CDH13: variants seen among roughly 807,000 people sequenced by gnomAD.
The protein encoded by CDH13 is cadherin 13.
Under a neutral mutation model 63.8 loss-of-function variants are expected in CDH13, and 24 were observed. The ratio of observed to expected loss-of-function variants is 0.38; its 90% CI spans 0.27 to 0.53. The LOEUF is 0.53. CDH13 is among the 20% of genes least tolerant of loss of function. The pLI is 0.85. For missense variants in CDH13, 1,049 were observed against 903.1 expected (o/e 1.16, Z -2.07); for synonymous variants, 503 against 355.3 (o/e 1.42, Z -4.67).
chr16:83,428,999 C>T (rs530249581), intron 6 of CDH13, among the ~76,000 whole-genome samples: 2 of 152,222 alleles, frequency 1.3e-5, no homozygotes, highest in East Asian at 1.9e-4. Flanking sequence ...TTCTCTCATC[C>T]GTTTCCTAGG....
chr16:83,787,567 C>T (rs1392444568), intron 13 of CDH13, among the ~76,000 whole-genome samples: 1 of 152,178 alleles, frequency 6.6e-6, no homozygotes, highest in Non-Finnish European at 1.5e-5. Context: ...CTACGTTTTC[C>T]ACCAGCTTCT....
At chr16:83,485,795 A>ACTC (rs1237760415) in intron 6 of CDH13, among the ~76,000 whole-genome samples, 2 of 151,802 alleles carry the variant, frequency 1.3e-5, no homozygotes, top group Non-Finnish European at 2.9e-5. Flanking sequence ...GCCTCTTTGT[A>ACTC]CTCCTGTTTC....
chr16:82,703,651 C>A (rs772142524), intron 1 of CDH13, among the ~76,000 whole-genome samples: 1 of 152,086 alleles, frequency 6.6e-6, no homozygotes, highest in Non-Finnish European at 1.5e-5. Flanking sequence ...TCCAATAATA[C>A]GCTACTTAAG....
intron 3 of CDH13, among the ~76,000 whole-genome samples, chr16:83,048,321 T>G (rs569735164): frequency 2.0e-5 from 3 of 152,338 alleles, no homozygotes; most frequent in African/African-American, 7.2e-5. Flanking sequence ...GGTATAAATA[T>G]GAAGCCCAAT....
chr16:83,131,604 G>A (rs2036055944), intron 4 of CDH13, among the ~76,000 whole-genome samples: 1 of 151,938 alleles, frequency 6.6e-6, no homozygotes. Flanking sequence ...TTGAGAGCAG[G>A]GGACTTTAAA....
intron 1 of CDH13, among the ~76,000 whole-genome samples, chr16:82,662,649 G>A (rs1912093687): frequency 6.6e-6 from 1 of 152,210 alleles, no homozygotes; most frequent in Non-Finnish European, 1.5e-5. Flanking sequence ...GACAACAAAT[G>A]CGCTTTATAA....
intron 3 of CDH13, among the ~76,000 whole-genome samples, chr16:83,067,207 C>T (rs59593731): frequency 0.079 from 11,976 of 152,214 alleles, 603 homozygotes; most frequent in Admixed American, 0.13. Flanking sequence ...AATCTTTCAG[C>T]AGCAGAAGGC....
intron 1 of CDH13, among the ~76,000 whole-genome samples, chr16:82,739,386 A>T (rs186393839): frequency 6.6e-5 from 10 of 152,276 alleles, no homozygotes; most frequent in African/African-American, 2.2e-4. Flanking sequence ...TCAAATTTAG[A>T]AGCTTTCTTA....
intron 8 of CDH13, among the ~76,000 whole-genome samples, chr16:83,663,398 A>G (rs546303124): frequency 4.6e-5 from 7 of 152,302 alleles, no homozygotes; most frequent in African/African-American, 1.7e-4. Flanking sequence ...AAATTATATA[A>G]TCTCTGTCAT....
At chr16:83,404,120 A>T (rs2092007996) in intron 6 of CDH13, among the ~76,000 whole-genome samples, 1 of 152,216 alleles carries the variant, frequency 6.6e-6, no homozygotes, top group South Asian at 2.1e-4. Context: ...TGGCTCAGAA[A>T]ATTCTGAAGA....
intron 1 of CDH13, among the ~76,000 whole-genome samples, chr16:82,742,053 T>C (rs2151055117): frequency 6.6e-6 from 1 of 152,312 alleles, no homozygotes; most frequent in Middle Eastern, 3.4e-3. Context: ...AGCCCGGTTA[T>C]ATAAAATCAT....
intron 10 of CDH13, among the ~76,000 whole-genome samples, chr16:83,712,559 A>T (rs114920993): frequency 0.011 from 1,667 of 152,296 alleles, 40 homozygotes; most frequent in African/African-American, 0.039. Context: ...TTTCAGGAGC[A>T]CCCCTCAAGG....
chr16:82,716,713 C>T (rs974386408), intron 1 of CDH13, among the ~76,000 whole-genome samples: 4 of 151,138 alleles, frequency 2.6e-5, no homozygotes, highest in Middle Eastern at 3.4e-3. Context: ...GTTGCCTGCA[C>T]AGGTTTCTGG....
At chr16:82,796,802 A>G (rs1267576904) in intron 1 of CDH13, among the ~76,000 whole-genome samples, 2 of 152,214 alleles carry the variant, frequency 1.3e-5, no homozygotes, top group Admixed American at 6.5e-5. Flanking sequence ...GCTTTAAGAC[A>G]GGGGAATTCA....
At chr16:83,091,857 T>C (rs72796300) in intron 3 of CDH13, among the ~76,000 whole-genome samples, 16,272 of 152,222 alleles carry the variant, frequency 0.11, 929 homozygotes, top group South Asian at 0.13. Context: ...GAAAAAGAAA[T>C]CTTTACTCCA....
chr16:82,893,247 A>G (rs1467557254), intron 2 of CDH13, among the ~76,000 whole-genome samples: 1 of 152,254 alleles, frequency 6.6e-6, no homozygotes, highest in Non-Finnish European at 1.5e-5. Flanking sequence ...ACACAAATAC[A>G]TACACATATG....
At chr16:82,868,020 T>C (rs1597849729) in intron 2 of CDH13, among the ~76,000 whole-genome samples, 1 of 152,244 alleles carries the variant, frequency 6.6e-6, no homozygotes, top group East Asian at 1.9e-4. Context: ...ACACATCCTT[T>C]ACATATTTTA....
At chr16:83,590,870 C>G (rs1434662947) in intron 7 of CDH13, among the ~76,000 whole-genome samples, 1 of 145,732 alleles carries the variant, frequency 6.9e-6, no homozygotes, top group African/African-American at 2.5e-5. Flanking sequence ...GGTGGGCTGT[C>G]AATCTGTGTT....
At chr16:82,999,110 CTCT>C (rs1448691673) in intron 2 of CDH13, among the ~76,000 whole-genome samples, 4 of 152,210 alleles carry the variant, frequency 2.6e-5, no homozygotes, top group South Asian at 4.2e-4. Context: ...GAAAGCATCC[CTCT>C]TCTTGTTTTT....
Sources: allele counts gnomAD v4.1 joint callset (sites outside exome capture counted in the v4.1 genomes callset), GRCh38; gene constraint gnomAD v4.1.1; transcripts MANE v1.5; gene names NCBI Gene and HGNC (gene_info 2026-07-23, HGNC 2026-07-21).